KCNN2: variants seen among roughly 807,000 people sequenced by gnomAD.
The protein encoded by KCNN2 is potassium calcium-activated channel subfamily N member 2, also known as small conductance calcium-activated potassium channel protein 2.
KCNN2 carries 24 observed loss-of-function variants against 55.5 expected under a neutral mutation model. The ratio of observed to expected loss-of-function variants is 0.43; its 90% CI spans 0.31 to 0.61. The LOEUF is 0.61. Ranked by LOEUF, KCNN2 falls within the 20% of genes least tolerant of loss-of-function variation. The pLI, the probability that KCNN2 is intolerant of heterozygous loss-of-function variation, is 0.08. For missense variants in KCNN2, 754 were observed against 853.6 expected (o/e 0.88, Z 1.45); for synonymous variants, 431 against 336.1 (o/e 1.28, Z -3.09).
chr5:114,072,155 G>A (rs763110097), intron 1 of KCNN2, among the ~76,000 whole-genome samples: 24 of 152,118 alleles, frequency 1.6e-4, no homozygotes, highest in Non-Finnish European at 3.1e-4. Context: ...AGCTGGGCAT[G>A]GTGGCGCATG....
chr5:114,416,597 G>A (rs1759314366), intron 3 of KCNN2, among the ~76,000 whole-genome samples: 1 of 152,134 alleles, frequency 6.6e-6, no homozygotes, highest in Admixed American at 6.5e-5. Flanking sequence ...TATTCTCAGT[G>A]CCACAGGAGC....
chr5:114,447,677 GGAAAAAAAAA>G (rs1410075476), intron 3 of KCNN2, among the ~76,000 whole-genome samples: 1 of 151,872 alleles, frequency 6.6e-6, no homozygotes, highest in Non-Finnish European at 1.5e-5. Flanking sequence ...TTACCTATGG[GGAAAAAAAAA>G]GTTTGTTAGA....
At chr5:114,187,506 C>CTTTTTT (rs34325633) in intron 1 of KCNN2, among the ~76,000 whole-genome samples, 4 of 126,624 alleles carry the variant, frequency 3.2e-5, no homozygotes, top group African/African-American at 8.9e-5. Context: ...GTATCTCTGG[C>CTTTTTT]TTTTTTTTTT....
chr5:114,283,287 A>G (rs966485773), intron 2 of KCNN2, among the ~76,000 whole-genome samples: 5 of 152,012 alleles, frequency 3.3e-5, no homozygotes, highest in Non-Finnish European at 2.9e-5. Context: ...CTGATAAATC[A>G]TCTAGTTTAT....
chr5:114,216,224 A>G (rs565021582), intron 1 of KCNN2, among the ~76,000 whole-genome samples: 72 of 152,298 alleles, frequency 4.7e-4, no homozygotes, highest in African/African-American at 1.5e-3. Context: ...ACAATGAAAA[A>G]CAAAGTAAAT....
At chr5:114,475,725 G>T (rs2150126684) in intron 5 of KCNN2, among the ~76,000 whole-genome samples, 1 of 152,048 alleles carries the variant, frequency 6.6e-6, no homozygotes, top group South Asian at 2.1e-4. Context: ...TTGTGCTCAT[G>T]GGTCCCCTAA....
intron 1 of KCNN2, among the ~76,000 whole-genome samples, chr5:114,152,062 C>T (rs73779718): frequency 0.025 from 3,733 of 152,098 alleles, 145 homozygotes; most frequent in African/African-American, 0.085. Flanking sequence ...ATTAAAAATA[C>T]GATGTTAAAA....
chr5:114,131,959 A>G (rs1752080658), intron 1 of KCNN2, among the ~76,000 whole-genome samples: 2 of 152,098 alleles, frequency 1.3e-5, no homozygotes, highest in African/African-American at 4.8e-5. Context: ...TCCTTTGCCC[A>G]CTTTTTAATG....
intron 3 of KCNN2, among the ~76,000 whole-genome samples, chr5:114,454,745 A>G (rs189327306): frequency 2.6e-4 from 40 of 152,326 alleles, no homozygotes; most frequent in Middle Eastern, 3.4e-3. Flanking sequence ...GATACCAGGC[A>G]GGGCAGGTAC....
intron 2 of KCNN2, among the ~76,000 whole-genome samples, chr5:114,387,560 G>A (rs1476734654): frequency 6.6e-6 from 1 of 151,984 alleles, no homozygotes; most frequent in African/African-American, 2.4e-5. Flanking sequence ...TGTGGTTTTT[G>A]TTCTTAGACT....
intron 4 of KCNN2, among the ~76,000 whole-genome samples, chr5:114,464,037 G>A (rs1221598012): frequency 2.6e-5 from 4 of 152,122 alleles, no homozygotes; most frequent in African/African-American, 9.7e-5. Flanking sequence ...AGGAGGCCAC[G>A]TCTTGTGGAG....
intron 1 of KCNN2, among the ~76,000 whole-genome samples, chr5:114,169,646 T>G (rs1228813651): frequency 6.6e-6 from 1 of 152,094 alleles, no homozygotes; most frequent in Non-Finnish European, 1.5e-5. Flanking sequence ...GTAGTATGGC[T>G]CAGTATGAGT....
At chr5:114,310,151 C>T (rs983169042) in intron 2 of KCNN2, among the ~76,000 whole-genome samples, 14 of 152,218 alleles carry the variant, frequency 9.2e-5, no homozygotes, top group African/African-American at 3.4e-4. Flanking sequence ...GATTCTTTTT[C>T]ACCAGTGAAA....
chr5:114,327,067 T>G (rs1756727467), intron 2 of KCNN2, among the ~76,000 whole-genome samples: 1 of 152,142 alleles, frequency 6.6e-6, no homozygotes, highest in South Asian at 2.1e-4. Flanking sequence ...TGAAGTGTGA[T>G]GAAAACAGGA....
At chr5:114,141,925 T>G (rs1752289801) in intron 1 of KCNN2, among the ~76,000 whole-genome samples, 1 of 152,234 alleles carries the variant, frequency 6.6e-6, no homozygotes, top group Non-Finnish European at 1.5e-5. Context: ...TGCATAGATG[T>G]CTTCTTTTGA....
chr5:114,379,996 A>C (rs1365197845), intron 2 of KCNN2, among the ~76,000 whole-genome samples: 15 of 151,308 alleles, frequency 9.9e-5, no homozygotes, highest in Admixed American at 9.9e-4. Flanking sequence ...TGTCATTTAC[A>C]TAATTTATTT....
chr5:114,108,606 T>A (rs911104169), intron 1 of KCNN2, among the ~76,000 whole-genome samples: 3 of 152,090 alleles, frequency 2.0e-5, no homozygotes, highest in Non-Finnish European at 4.4e-5. Context: ...AAAAAAGGAA[T>A]AATACATCTG....
intron 2 of KCNN2, among the ~76,000 whole-genome samples, chr5:114,386,721 A>C (rs904296885): frequency 6.6e-6 from 1 of 152,178 alleles, no homozygotes; most frequent in African/African-American, 2.4e-5. Flanking sequence ...CTATGGAGGA[A>C]TATAAGGAGG....
chr5:114,276,567 C>T (rs945291683), intron 2 of KCNN2, among the ~76,000 whole-genome samples: 1 of 151,772 alleles, frequency 6.6e-6, no homozygotes, highest in Non-Finnish European at 1.5e-5. Flanking sequence ...TGAATTGATC[C>T]CTTTACCATT....
Sources: gnomAD v4.1 joint callset for allele counts (sites outside exome capture counted in the v4.1 genomes callset) on GRCh38, gnomAD v4.1.1 for gene constraint, MANE v1.5 for transcripts, NCBI Gene and HGNC (gene_info 2026-07-23, HGNC 2026-07-21) for gene names.